Variants in LPA observed in about 807,000 individuals in gnomAD.
LPA encodes apolipoprotein(a).
Under a neutral mutation model 197.9 loss-of-function variants are expected in LPA, and 199 were observed. That is an observed-to-expected ratio of 1.01 (90% CI 0.90 to 1.13). The LOEUF is 1.13. Among genes scored for constraint, LPA ranks in the 50% most tolerant of loss-of-function variants. The pLI is 0.00. For missense variants in LPA, 1,853 were observed against 1,785.8 expected (o/e 1.04, Z -0.68); for synonymous variants, 715 against 639.5 (o/e 1.12, Z -1.78).
chr6:160,549,446 ACT>A (rs1419299796), intron 30 of LPA, among the ~76,000 whole-genome samples: 3 of 152,144 alleles, frequency 2.0e-5, no homozygotes, highest in Non-Finnish European at 4.4e-5. Context: ...TACCTGTCTA[ACT>A]CTCTGTATCT....
At chr6:160,582,233 A>G (rs9355295) in intron 26 of LPA, among the ~76,000 whole-genome samples, 61,494 of 150,438 alleles carry the variant, frequency 0.41, 13,291 homozygotes, top group African/African-American at 0.56. Flanking sequence ...TTCTTAGCAT[A>G]TTATTCCATT....
intron 28 of LPA, among the ~76,000 whole-genome samples, chr6:160,567,676 A>G (rs1353980750): frequency 6.6e-6 from 1 of 152,232 alleles, no homozygotes; most frequent in African/African-American, 2.4e-5. Flanking sequence ...GAGACACAAA[A>G]AAACCTTCAA....
intron 37 of LPA, 94 bp from the exon 38 acceptor site, chr6:160,532,743 G>C: frequency 1.2e-6 from 1 of 842,310 alleles, no homozygotes; most frequent in East Asian, 2.5e-5. Flanking sequence ...TGGACCTCCT[G>C]TCTGTCCGTG....
chr6:160,610,915 A>C (rs560915420), intron 16 of LPA, among the ~76,000 whole-genome samples: 2 of 152,250 alleles, frequency 1.3e-5, no homozygotes, highest in South Asian at 4.2e-4. Flanking sequence ...GTTGTTGATT[A>C]TGGCCAAATG....
chr6:160,585,764 G>T (rs1408395550), intron 25 of LPA, among the ~76,000 whole-genome samples: 2 of 152,122 alleles, frequency 1.3e-5, no homozygotes, highest in East Asian at 3.9e-4. Flanking sequence ...GCCTAGGAGG[G>T]GAGACAGGGA....
intron 28 of LPA, among the ~76,000 whole-genome samples, chr6:160,574,697 T>A (rs770668672): frequency 6.6e-5 from 10 of 152,208 alleles, no homozygotes; most frequent in Non-Finnish European, 1.5e-4. Context: ...TGGGGTGTGT[T>A]TGAGGGAGTA....
At chr6:160,539,300 A>G (rs937907347) in intron 36 of LPA, among the ~76,000 whole-genome samples, 1 of 152,250 alleles carries the variant, frequency 6.6e-6, no homozygotes, top group African/African-American at 2.4e-5. Context: ...ACTGTCACCT[A>G]GGTCCAAATA....
intron 2 of LPA, among the ~76,000 whole-genome samples, chr6:160,647,298 T>C (rs1209018762): frequency 2.0e-5 from 3 of 152,180 alleles, no homozygotes; most frequent in Admixed American, 6.5e-5. Context: ...CTGAGGAGTT[T>C]GGGCTGCGGG....
At chr6:160,591,933 C>G (rs62441936) in intron 22 of LPA, among the ~76,000 whole-genome samples, 27,046 of 152,052 alleles carry the variant, frequency 0.18, 2,874 homozygotes, top group East Asian at 0.4. Context: ...TCATAGGAAC[C>G]CCCTTTTTTT....
At chr6:160,597,814 A>C (rs1779162085) in intron 20 of LPA, among the ~76,000 whole-genome samples, 2 of 152,170 alleles carry the variant, frequency 1.3e-5, no homozygotes, top group Admixed American at 6.5e-5. Flanking sequence ...GTTATGGTTC[A>C]CACTAAATGC....
intron 28 of LPA, among the ~76,000 whole-genome samples, chr6:160,569,692 G>C (rs919535528): frequency 6.6e-6 from 1 of 152,012 alleles, no homozygotes; most frequent in Non-Finnish European, 1.5e-5. Context: ...AGAATGAACA[G>C]GCAAGCTACA....
intron 7 of LPA, 54 bp downstream of exon 7, chr6:160,635,069 T>A (rs1188456083): frequency 4.9e-6 from 6 of 1,222,474 alleles, no homozygotes; most frequent in Non-Finnish European, 7.1e-6. Context: ...GGAATTTCCA[T>A]GGCTTTTCAT....
Position 160,547,904 on chromosome 6 carries a change from C to T in LPA, c.5189G>A (p.Gly1730Asp), listed in dbSNP as rs1214072019. 2 of 1,613,922 alleles carry T rather than the reference C, an allele frequency of 1.2e-6. No individual in the cohort carries two copies. The highest frequency in any genetic ancestry group is 2.2e-5 in the East Asian group (1 of 44,862). The change falls in exon 32 of 39, where the codon GGC becomes GAC. Residue 1730 changes from glycine (G) to aspartate (D), a missense_variant. Around this residue, in one of 3 missense-constraint regions of LPA, gnomAD observed 1,737 missense variants for 1,504.4 expected, o/e 1.15. Coordinates refer to ENST00000316300, the MANE Select transcript of LPA (RefSeq NM_005577.4). ...CMFGNGKGYR[G>D]KKATTVTGTP... is the part of the protein sequence containing the mutation. ...CCCAGTAACAGTGGTTGCCTTCTTG[C>T]CCCGGTATCCTTTCCCATTCCCAAA...
At chr6:160,609,364 G>A (rs934530145) in intron 16 of LPA, among the ~76,000 whole-genome samples, 1 of 151,900 alleles carries the variant, frequency 6.6e-6, no homozygotes, top group Non-Finnish European at 1.5e-5. Flanking sequence ...CCTGGTATCT[G>A]GCTTCCAGTG....
intron 22 of LPA, 134 bp downstream of exon 22, chr6:160,593,824 G>T: frequency 8.9e-7 from 1 of 1,126,794 alleles, no homozygotes; most frequent in Non-Finnish European, 1.3e-6. Context: ...CCTGAAGAAA[G>T]AAGCCTGAGA....
At chr6:160,595,660 C>A in intron 20 of LPA, 125 bp from the exon 21 acceptor site, 1 of 1,360,182 alleles carries the variant, frequency 7.4e-7, no homozygotes, top group Non-Finnish European at 1.0e-6. Context: ...CTAAAGGTCC[C>A]ATAATATGCA....
chr6:160,563,456 C>T (rs974538545), intron 28 of LPA, among the ~76,000 whole-genome samples: 9 of 152,140 alleles, frequency 5.9e-5, no homozygotes, highest in South Asian at 2.1e-4. Context: ...TTCCATTCTA[C>T]GGCATTTGCT....
At chr6:160,569,905 C>G (rs1306100506) in intron 28 of LPA, among the ~76,000 whole-genome samples, 1 of 152,054 alleles carries the variant, frequency 6.6e-6, no homozygotes, top group Non-Finnish European at 1.5e-5. Context: ...CACTGGCCAT[C>G]AGAGAAATGC....
At chr6:160,542,206 T>C (rs1019501195) in intron 34 of LPA, among the ~76,000 whole-genome samples, 2 of 152,226 alleles carry the variant, frequency 1.3e-5, no homozygotes, top group Non-Finnish European at 2.9e-5. Flanking sequence ...AATTTGTTCA[T>C]GTGTTTGTGA....
Sources: allele counts gnomAD v4.1 joint callset (sites outside exome capture counted in the v4.1 genomes callset), GRCh38; gene constraint gnomAD v4.1.1; regional missense constraint gnomAD v4.1.1; transcripts MANE v1.5; gene names NCBI Gene and HGNC (gene_info 2026-07-23, HGNC 2026-07-21).